The following UBR1 variants were observed in gnomAD, a reference collection of about 807,000 sequenced individuals.
The protein encoded by UBR1 is E3 ubiquitin-protein ligase UBR1.
A neutral mutation model predicts 242.1 loss-of-function variants in UBR1; 102 were observed. The observed-to-expected ratio is 0.42, with a 90% confidence interval of 0.36 to 0.50. The LOEUF (loss-of-function observed/expected upper bound fraction) is 0.50. Ranked by LOEUF, UBR1 falls within the 20% of genes least tolerant of loss-of-function variation. The probability of loss-of-function intolerance (pLI) is 0.01; values close to 1 mark genes in which losing one functional copy is unlikely to be tolerated. For missense variants in UBR1, 1,772 were observed against 2,101.8 expected (o/e 0.84, Z 3.07); for synonymous variants, 675 against 684.8 (o/e 0.99, Z 0.22).
chr15:43,014,753 C>T (rs2032986140), intron 29 of UBR1, among the ~76,000 whole-genome samples: 1 of 151,314 alleles, frequency 6.6e-6, no homozygotes, highest in Non-Finnish European at 1.5e-5. Context: ...TGAGGACCGT[C>T]TCCGCCCGGC....
At chr15:43,020,496 T>G (rs1423352881) in intron 27 of UBR1, among the ~76,000 whole-genome samples, 2 of 152,252 alleles carry the variant, frequency 1.3e-5, no homozygotes, top group African/African-American at 2.4e-5. Context: ...TCAAGATTAC[T>G]GCAACAGTCT....
At chr15:43,049,002 A>G (rs971374576) in intron 12 of UBR1, among the ~76,000 whole-genome samples, 1 of 152,252 alleles carries the variant, frequency 6.6e-6, no homozygotes, top group Non-Finnish European at 1.5e-5. Context: ...ATTTTAGCCT[A>G]TAATTTGTAT....
intron 44 of UBR1, among the ~76,000 whole-genome samples, chr15:42,954,174 T>C (rs1290443584): frequency 6.6e-6 from 1 of 152,124 alleles, no homozygotes; most frequent in Admixed American, 6.6e-5. Context: ...CATGAGCCAC[T>C]GTACTCAGCC....
At chr15:43,070,954 G>C in intron 4 of UBR1, 29 bp from the exon 5 acceptor site, 1 of 1,609,858 alleles carries the variant, frequency 6.2e-7, no homozygotes. Flanking sequence ...AAACATACTA[G>C]TCAAGATTGT....
chr15:43,037,174 C>A (rs62020746), intron 17 of UBR1, among the ~76,000 whole-genome samples: 1 of 151,424 alleles, frequency 6.6e-6, no homozygotes, highest in Admixed American at 6.6e-5. Flanking sequence ...ATGGTAAAGC[C>A]CCATCTCTAC....
In UBR1 at chr15:43,059,767, ATC is replaced by A; in HGVS notation, c.918_919del (p.Glu306AspfsTer24). On this transcript the variant is annotated frameshift_variant, in exon 8 of 47. Coordinates refer to ENST00000290650, the MANE Select transcript of UBR1 (RefSeq NM_174916.3). LOFTEE classifies it high-confidence loss of function. Reference sequence around the variant, plus strand: ...CAAAGCAAATTTCTGATGAGCCATAATCTCTGAGTGTAATACTTCTACATGAA... The same window carrying A: ...CAAAGCAAATTTCTGATGAGCCATAATCTGAGTGTAATACTTCTACATGAA... 6.2e-7 allele frequency: 1 copy of A among 1,614,126 alleles called. No homozygotes were observed.
At chr15:43,048,571 T>C (rs1428088242) in intron 12 of UBR1, 80 bp from the exon 13 acceptor site, 4 of 1,107,432 alleles carry the variant, frequency 3.6e-6, no homozygotes, top group East Asian at 2.5e-5. Flanking sequence ...ATAGACAATG[T>C]TGATTTATAA....
intron 7 of UBR1, 22 bp downstream of exon 7, chr15:43,060,030 T>C (rs1596124312): frequency 1.2e-6 from 2 of 1,612,526 alleles, no homozygotes. Context: ...CTTCTCTTTT[T>C]CCCCCTAATT....
Position 42,943,388 on chromosome 15 carries a change from G to A in UBR1, c.*1941C>T, listed in dbSNP as rs2031682420. 1 of 152,540 alleles carries A rather than the reference G, an allele frequency of 6.6e-6. No homozygotes were observed. Among genetic ancestry groups the A allele is most frequent in the African/African-American group, 2.4e-5 (1 of 41,404 alleles). The allele number at this position is 152,540 out of a possible 1,614,324, so 9.4% of individuals were successfully genotyped here. On this transcript the variant is annotated 3_prime_UTR_variant, in exon 47 of 47. Transcript: ENST00000290650. ...AATCACTAGGACATTTGAACATAAT[G>A]AGAAATCCCTGGGGCTTGGGGCAGC... is the stretch of plus-strand genomic sequence containing the variant.
intron 22 of UBR1, among the ~76,000 whole-genome samples, chr15:43,026,877 A>G (rs1274139430): frequency 2.0e-5 from 3 of 152,194 alleles, no homozygotes; most frequent in Admixed American, 2.0e-4. Context: ...TATAATAATG[A>G]AATTCAAACA....
Position 42,958,087 on chromosome 15 carries a change from G to A in UBR1, c.4761C>T (p.Tyr1587=), listed in dbSNP as rs757467218. ...CLKQKNTVVR[Y]PRKRNSLIEL... ...CTATCAAACTATTTCTTTTTCTAGGGTACCTACAATGTAATTTAAAAGGCA... is the reference window on the plus strand; with the variant it reads ...CTATCAAACTATTTCTTTTTCTAGGATACCTACAATGTAATTTAAAAGGCA... Residue 1587 remains tyrosine, a synonymous_variant, in exon 44 of 47, where the codon TAC becomes TAT. Coordinates refer to ENST00000290650, the MANE Select transcript of UBR1 (RefSeq NM_174916.3). 5 of 1,612,136 alleles carry A rather than the reference G, an allele frequency of 3.1e-6. No homozygotes were observed. The Admixed American group carries it at 8.3e-5, about 27-fold the overall frequency.
At chr15:43,027,934 A>C (rs1364449411) in intron 21 of UBR1, 106 bp from the exon 22 acceptor site, 1 of 970,848 alleles carries the variant, frequency 1.0e-6, no homozygotes. Flanking sequence ...TTTGTAAATA[A>C]TTTTAAAAAG....
chr15:42,952,509 C>G, intron 44 of UBR1, 61 bp from the exon 45 acceptor site: 1 of 1,563,718 alleles, frequency 6.4e-7, no homozygotes, highest in Non-Finnish European at 8.8e-7. Context: ...AAATAAGTAC[C>G]ATATATCCTG....
Position 42,977,894 on chromosome 15 carries a change from G to C in UBR1, c.4204C>G (p.Leu1402Val), listed in dbSNP as rs1232782722. 1.2e-6 allele frequency: 2 copies of C among 1,612,914 alleles called. No homozygotes were observed. ...EDTPCLLSID[L>V]FHVLVGAVLA... ...TGAACACTTACCAAAACATGAAACA[G>C]ATCTATAGACAGAAGGCATGGTGTA... Residue 1402 changes from leucine (L) to valine (V), a missense_variant, in exon 38 of 47, where the codon CTG (leucine) becomes GTG (valine). By Grantham distance (32) the Leu-to-Val change is conservative. Coordinates refer to ENST00000290650, the MANE Select transcript of UBR1 (RefSeq NM_174916.3).
intron 41 of UBR1, 144 bp downstream of exon 41, chr15:42,966,009 G>T: frequency 1.6e-6 from 2 of 1,215,658 alleles, no homozygotes; most frequent in Non-Finnish European, 2.3e-6. Flanking sequence ...CTACACCAGG[G>T]CTCATGTTTG....
In UBR1 at chr15:42,945,322, T is replaced by C. The variant is rs779727695; in HGVS notation, c.*7A>G. Reference sequence around the variant, plus strand: ...CATTTGTGATTGTCTTGAGGCAGAGTTGGAGCTCACAGTAACTGCCAGTTG... The same window carrying C: ...CATTTGTGATTGTCTTGAGGCAGAGCTGGAGCTCACAGTAACTGCCAGTTG... On this transcript the variant is annotated 3_prime_UTR_variant, in exon 47 of 47. Transcript: ENST00000290650. 2 of 1,614,124 alleles carry C rather than the reference T, an allele frequency of 1.2e-6. No individual in the cohort carries two copies. Among genetic ancestry groups the C allele is most frequent in the Non-Finnish European group, 1.7e-6 (2 of 1,180,014 alleles).
intron 39 of UBR1, among the ~76,000 whole-genome samples, chr15:42,973,713 G>A (rs2032242883): frequency 6.6e-6 from 1 of 152,008 alleles, no homozygotes; most frequent in South Asian, 2.1e-4. Flanking sequence ...CCCAGAATGT[G>A]GCTTGTCTCT....
rs1156621033 is a variant in UBR1 at position 43,007,282 on chromosome 15, G to T, written c.3212C>A (p.Thr1071Asn). Residue 1071 changes from threonine to asparagine, a missense_variant and splice_region_variant, in exon 30 of 47, where the codon ACC becomes AAC. This residue lies in a region of UBR1 where 965 missense variants were observed against 1,079.7 expected (regional missense o/e 0.89). Transcript: ENST00000290650. ...TCTAGAGTAGTCACTGACTGCTGGG[G>T]TGCTACCAAAAGAAATGATCAGAAA... ...KEDSIMEEESTPAVSDYSRIA... is the reference protein window; with the variant it reads ...KEDSIMEEESNPAVSDYSRIA... The T allele has an allele frequency of 1.9e-6, 3 of 1,614,052 alleles. No individual in the cohort carries two copies. Among genetic ancestry groups the T allele is most frequent in the South Asian group, 1.1e-5 (1 of 91,074 alleles).
intron 14 of UBR1, among the ~76,000 whole-genome samples, chr15:43,043,634 G>A (rs1456717546): frequency 6.6e-6 from 1 of 151,898 alleles, no homozygotes; most frequent in Non-Finnish European, 1.5e-5. Context: ...TTTTGTAGAG[G>A]CAGGGTCTCC....
Sources: gnomAD v4.1 joint callset for allele counts (sites outside exome capture counted in the v4.1 genomes callset) on GRCh38, gnomAD v4.1.1 for gene constraint, gnomAD v4.1.1 regional missense constraint, MANE v1.5 for transcripts, NCBI Gene and HGNC (gene_info 2026-07-23, HGNC 2026-07-21) for gene names.